TASOR: variants seen among roughly 807,000 people sequenced by gnomAD.
The protein encoded by TASOR is transcription activation suppressor, also known as protein TASOR.
In TASOR, 53 loss-of-function variants were observed where a neutral mutation model predicts 178.6. That is an observed-to-expected ratio of 0.30 (90% confidence interval 0.24 to 0.37). The LOEUF is 0.37. Ranked by LOEUF, TASOR falls within the 10% of genes least tolerant of loss-of-function variation. The pLI is 1.00. For missense variants in TASOR, 1,815 were observed against 1,971.4 expected (o/e 0.92, Z 1.50); for synonymous variants, 713 against 696.2 (o/e 1.02, Z -0.38).
In TASOR at chr3:56,623,493, T is replaced by A; in HGVS notation, c.4557A>T (p.Glu1519Asp). The change falls in exon 24 of 24, where the codon GAA becomes GAT. Residue 1519 changes from glutamate (E) to aspartate (D), a missense_variant. Transcript: ENST00000683822. ...LDSGDEISHI[E>D]VCSNFHSEIW... ...TTTCTGAATGAAAATTGCTGCATAC[T>A]TCTATATGTGAGATTTCATCCCCTG... is the stretch of plus-strand genomic sequence containing the variant. 6.2e-7 allele frequency: 1 copy of A among 1,612,838 alleles called. No homozygotes were observed. Among genetic ancestry groups the A allele is most frequent in the Non-Finnish European group, 8.5e-7 (1 of 1,179,918 alleles).
intron 15 of TASOR, 101 bp from the exon 16 acceptor site, chr3:56,640,231 C>A: frequency 9.9e-7 from 1 of 1,005,410 alleles, no homozygotes; most frequent in Non-Finnish European, 1.5e-6. Context: ...TCAATCTAAA[C>A]ATTACAAATG....
At chr3:56,652,589 T>C (rs896898326) in intron 11 of TASOR, among the ~76,000 whole-genome samples, 17 of 151,942 alleles carry the variant, frequency 1.1e-4, no homozygotes, top group African/African-American at 4.1e-4. Context: ...AAATGGTTAA[T>C]TTTATGTTAT....
chr3:56,659,987 G>C (rs2077557441), intron 11 of TASOR, among the ~76,000 whole-genome samples: 1 of 151,668 alleles, frequency 6.6e-6, no homozygotes, highest in African/African-American at 2.4e-5. Flanking sequence ...CGATTCTCCT[G>C]CCTCAGCCTC....
Position 56,663,501 on chromosome 3 carries a change from T to C in TASOR, c.1054+40A>G, listed in dbSNP as rs541496089. On this transcript the variant is annotated intron_variant, in intron 8 of 23. Transcript: ENST00000683822. ...TTAATCTTTTGCTATATGTACTTAT[T>C]CTTTCCATTTATAAAACTAAAGAAA... 8.8e-5 allele frequency: 89 copies of C among 1,009,042 alleles called. No homozygotes were observed. In the African/African-American group the frequency reaches 1.4e-3, roughly 16 times the overall value. 62.5% of individuals were successfully genotyped at this position (1,009,042 alleles called of 1,614,324 possible).
chr3:56,683,008 G>A lies in TASOR; in HGVS notation c.-2C>T, dbSNP rs1172514292. ...CTCCGTCTCCACAGCAGTCGCCATC[G>A]CGCCGGCCTAAGGAGCTCTGGGAAG... On this transcript the variant is annotated 5_prime_UTR_variant, in exon 1 of 24. Coordinates refer to ENST00000683822, the MANE Select transcript of TASOR (RefSeq NM_001365635.2). 6.5e-7 allele frequency: 1 copy of A among 1,540,426 alleles called. No homozygotes were observed. Among genetic ancestry groups the A allele is most frequent in the Non-Finnish European group, 8.8e-7 (1 of 1,141,912 alleles).
intron 1 of TASOR, among the ~76,000 whole-genome samples, chr3:56,682,071 A>G (rs1165561436): frequency 6.6e-6 from 1 of 152,236 alleles, no homozygotes; most frequent in African/African-American, 2.4e-5. Context: ...AACCTATTTA[A>G]TCTAACGCTT....
chr3:56,683,236 C>T lies in TASOR; in HGVS notation c.-230G>A, dbSNP rs2031964970. 3 of 450,166 alleles carry T rather than the reference C, an allele frequency of 6.7e-6. No homozygotes were observed. The highest frequency in any genetic ancestry group is 5.2e-5 in the South Asian group (1 of 19,294). The allele number at this position is 450,166 out of a possible 1,614,324, so 27.9% of individuals were successfully genotyped here. On this transcript the variant is annotated 5_prime_UTR_variant, in exon 1 of 24. Transcript: ENST00000683822. ...GCCGCTCCTCCCTCGGGCAGTTCTT[C>T]TGCCTTCCCCCGCCACTCAACGTGC... is the stretch of plus-strand genomic sequence containing the variant.
intron 13 of TASOR, 86 bp downstream of exon 13, chr3:56,648,736 C>T (rs1578235392): frequency 3.4e-6 from 3 of 869,716 alleles, no homozygotes; most frequent in Admixed American, 5.4e-5. Flanking sequence ...GTAAGAAAGA[C>T]AAAATGTTTA....
intron 18 of TASOR, among the ~76,000 whole-genome samples, chr3:56,630,641 C>T (rs2076889924): frequency 6.6e-6 from 1 of 152,014 alleles, no homozygotes. Context: ...GTCAGGAGTT[C>T]GAGACCAGCC....
chr3:56,676,828 A>G (rs2031343733), intron 1 of TASOR, among the ~76,000 whole-genome samples: 1 of 152,222 alleles, frequency 6.6e-6, no homozygotes, highest in Admixed American at 6.5e-5. Context: ...TTGACTCTAA[A>G]GCAATGTCCA....
At chr3:56,666,559 A>G (rs2029997354) in intron 6 of TASOR, among the ~76,000 whole-genome samples, 175 bp from the exon 7 acceptor site, 1 of 152,222 alleles carries the variant, frequency 6.6e-6, no homozygotes, top group Non-Finnish European at 1.5e-5. Flanking sequence ...TCATTTTGTG[A>G]TATAAAATAT....
chr3:56,623,744 C>T, intron 23 of TASOR, 178 bp from the exon 24 acceptor site: 1 of 1,549,344 alleles, frequency 6.5e-7, no homozygotes, highest in Non-Finnish European at 8.7e-7. Flanking sequence ...ATGTGAATGT[C>T]CAGATAATCC....
rs957783603 is a variant in TASOR, at chr3:56,621,408, T to C, written c.*1629A>G. The C allele has an allele frequency of 1.6e-6, 1 of 610,386 alleles. No individual in the cohort carries two copies. Among genetic ancestry groups the C allele is most frequent in the Non-Finnish European group, 2.8e-6 (1 of 360,796 alleles). 37.8% of individuals were successfully genotyped at this position (610,386 alleles called of 1,614,324 possible). On this transcript the variant is annotated 3_prime_UTR_variant, in exon 24 of 24. Coordinates refer to ENST00000683822, the MANE Select transcript of TASOR (RefSeq NM_001365635.2). ...CTAGTACAAGCATTTCTGAAAAAAT[T>C]TTTGAATGACAAAATTTTATCCTAA...
At chr3:56,636,859 G>A (rs1485689585) in intron 17 of TASOR, among the ~76,000 whole-genome samples, 1 of 152,050 alleles carries the variant, frequency 6.6e-6, no homozygotes, top group Non-Finnish European at 1.5e-5. Context: ...AGGTGCTGAT[G>A]GAACATTCTG....
rs184251016 is a variant in TASOR, at chr3:56,663,770, C to T, written c.1023-198G>A. The T allele has an allele frequency of 1.2e-4, 125 of 1,029,542 alleles. 1 individual carries two copies. The Admixed American group carries it at 6.6e-3, about 54-fold the overall frequency. 63.8% of individuals were successfully genotyped at this position (1,029,542 alleles called of 1,614,324 possible). On this transcript the variant is annotated intron_variant, in intron 7 of 23. Coordinates refer to ENST00000683822, the MANE Select transcript of TASOR (RefSeq NM_001365635.2). ...TTAGAGAAAACAGAAGTACTTACTTCGCTCAAATTACCACATTTACCCAAA... is the reference window on the plus strand; with the variant it reads ...TTAGAGAAAACAGAAGTACTTACTTTGCTCAAATTACCACATTTACCCAAA...
At position 56,662,388 on chromosome 3, in the gene TASOR, T is replaced by C. The variant is rs2077617441; in HGVS notation, c.1157A>G (p.Lys386Arg). 5 of 1,532,702 alleles carry C rather than the reference T, an allele frequency of 3.3e-6. No individual in the cohort carries two copies. The highest frequency in any genetic ancestry group is 2.4e-5 in the South Asian group (2 of 83,350). The allele number at this position is 1,532,702 out of a possible 1,614,324, so 94.9% of individuals were successfully genotyped here. ...RSATRAFLPIKLPEKLDVETV... is the reference protein window; with the variant it reads ...RSATRAFLPIRLPEKLDVETV... Reference sequence around the variant, plus strand: ...ACTGCTCTTTACTTATACTTACAGTTTGATAGGCAAAAAAGCACGAGTGGC... The same window carrying C: ...ACTGCTCTTTACTTATACTTACAGTCTGATAGGCAAAAAAGCACGAGTGGC... The change falls in exon 9 of 24, where the codon AAA (lysine) becomes AGA (arginine). Residue 386 changes from lysine to arginine, a missense_variant. Coordinates refer to ENST00000683822, the MANE Select transcript of TASOR (RefSeq NM_001365635.2).
In TASOR at chr3:56,649,038, C is replaced by T. The variant is rs147283164; in HGVS notation, c.1388G>A (p.Gly463Glu). Residue 463 changes from glycine to glutamate, a missense_variant, in exon 12 of 24, where the codon GGA becomes GAA. This residue lies in a region of TASOR where 504 missense variants were observed against 645.3 expected (regional missense o/e 0.78). Coordinates refer to ENST00000683822, the MANE Select transcript of TASOR (RefSeq NM_001365635.2). ...GAGAAGAAAAAGGTATCCTCGGTCTCCCAAAGGTTTAACAAGAACCTGTAT... is the reference window on the plus strand; with the variant it reads ...GAGAAGAAAAAGGTATCCTCGGTCTTCCAAAGGTTTAACAAGAACCTGTAT... ...REKLVLVKPL[G>E]DRGYLFLLSP... The T allele has an allele frequency of 2.2e-3, 3,525 of 1,607,814 alleles. 29 individuals carry two copies. Among genetic ancestry groups the T allele is most frequent in the Non-Finnish European group, 1.3e-3 (1,580 of 1,178,194 alleles).
intron 23 of TASOR, chr3:56,623,928 T>C: frequency 9.4e-7 from 1 of 1,067,964 alleles, no homozygotes; most frequent in Non-Finnish European, 1.4e-6. Context: ...ATTACTAAAC[T>C]AGTTGGTTAG....
chr3:56,674,307 C>G (rs1174653218), intron 1 of TASOR, among the ~76,000 whole-genome samples: 1 of 150,562 alleles, frequency 6.6e-6, no homozygotes, highest in Non-Finnish European at 1.5e-5. Context: ...TCCAGAGCAG[C>G]CTGGGCAACA....
Sources: allele counts gnomAD v4.1 joint callset (sites outside exome capture counted in the v4.1 genomes callset), GRCh38; gene constraint gnomAD v4.1.1; regional missense constraint gnomAD v4.1.1; transcripts MANE v1.5; gene names NCBI Gene and HGNC (gene_info 2026-07-23, HGNC 2026-07-21).